Variants in CNTN1 observed in about 807,000 individuals in gnomAD.
CNTN1 encodes the protein contactin-1.
In CNTN1, 38 loss-of-function variants were observed where a neutral mutation model predicts 126.4. The observed-to-expected ratio is 0.30, with a 90% CI of 0.23 to 0.39. The LOEUF (loss-of-function observed/expected upper bound fraction) is 0.39, where lower values mean the gene tolerates loss of function less well. Ranked by LOEUF, CNTN1 falls within the 10% of genes least tolerant of loss-of-function variation. The pLI is 1.00. For missense variants in CNTN1, 1,009 were observed against 1,248.4 expected, an observed-to-expected ratio of 0.81 and a Z score of 2.89; for synonymous variants, 413 against 422.6, an observed-to-expected ratio of 0.98 and a Z score of 0.28.
chr12:40,698,460 T>C lies in CNTN1; in HGVS notation c.-77+5868T>C, dbSNP rs376160408. On this transcript the variant is annotated intron_variant, in intron 1 of 23. Coordinates refer to ENST00000551295, the MANE Select transcript of CNTN1 (RefSeq NM_001843.4). The stretch of plus-strand genomic sequence containing the variant: ...ACCGTGTTAGCGAGGATGGTCTTGA[T>C]CTCCTGACCTTGTGATCCGCCCGCC... Among the ~76,000 whole-genome samples, 35 of 151,994 alleles carry C rather than the reference T, an allele frequency of 2.3e-4. No individual in the cohort carries two copies. The East Asian group carries it at 4.1e-3, about 18-fold the overall frequency.
At position 41,029,160 on chromosome 12, in the gene CNTN1, T is replaced by C; in HGVS notation, c.2921T>C (p.Val974Ala). 1 of 1,614,042 alleles carries C rather than the reference T, an allele frequency of 6.2e-7. No individual in the cohort carries two copies. Among genetic ancestry groups the C allele is most frequent in the Non-Finnish European group, 8.5e-7 (1 of 1,179,996 alleles). Residue 974 changes from valine (V) to alanine (A), a missense_variant, in exon 23 of 24, where the codon GTG becomes GCG. Coordinates refer to ENST00000551295, the MANE Select transcript of CNTN1 (RefSeq NM_001843.4). ...ATCCCCAGAGATGGAGAATACGTTGTGGAGGTTCGCGCGCACAGTGATGGA... is the reference window on the plus strand; with the variant it reads ...ATCCCCAGAGATGGAGAATACGTTGCGGAGGTTCGCGCGCACAGTGATGGA... The part of the protein sequence containing the change: ...VPIPRDGEYV[V>A]EVRAHSDGGD...
intron 1 of CNTN1, among the ~76,000 whole-genome samples, chr12:40,884,691 G>A (rs1222584212): frequency 6.6e-6 from 1 of 151,172 alleles, no homozygotes; most frequent in African/African-American, 2.4e-5. Flanking sequence ...TTATTCATAT[G>A]TCATACATGT....
Position 40,698,258 on chromosome 12 carries a change from C to T in CNTN1, c.-77+5666C>T, listed in dbSNP as rs1465947290. Among the ~76,000 whole-genome samples, 16 of 50,754 alleles carry T rather than the reference C, an allele frequency of 3.2e-4. No homozygotes were observed. In the Admixed American group the frequency reaches 3.8e-3, roughly 12 times the overall value. The allele number at this position is 50,754 out of a possible 152,430, so 33.3% of individuals were successfully genotyped here. A position where few individuals can be genotyped will look rare whatever the true frequency, so the allele number is the denominator to read the frequency against. On this transcript the variant is annotated intron_variant, in intron 1 of 23. Transcript: ENST00000551295. ...TTTTTTTTTTTTTTTTTTTTTTTTA[C>T]GGAGTCTCGCTCTGTCGCCCAGGCT...
intron 1 of CNTN1, among the ~76,000 whole-genome samples, chr12:40,814,708 A>C (rs1941200974): frequency 6.6e-6 from 1 of 152,098 alleles, no homozygotes; most frequent in African/African-American, 2.4e-5. Context: ...TGAACTTTAA[A>C]GTAGTTTTTT....
chr12:40,793,738 G>A (rs1940306883), intron 1 of CNTN1, among the ~76,000 whole-genome samples: 1 of 152,058 alleles, frequency 6.6e-6, no homozygotes, highest in Non-Finnish European at 1.5e-5. Context: ...GCACTTAGAT[G>A]AATGAAACAT....
chr12:41,003,583 T>G (rs1468456542), intron 17 of CNTN1, among the ~76,000 whole-genome samples: 5 of 151,926 alleles, frequency 3.3e-5, no homozygotes, highest in Non-Finnish European at 5.9e-5. Flanking sequence ...CCTGGGCTTT[T>G]TTTTTTTTGG....
At chr12:40,747,124 G>A (rs1480080495) in intron 1 of CNTN1, among the ~76,000 whole-genome samples, 3 of 152,072 alleles carry the variant, frequency 2.0e-5, no homozygotes, top group African/African-American at 7.2e-5. Context: ...ATAGATCAAT[G>A]TGAAAACTCA....
At chr12:40,967,513 A>G (rs1947351779) in intron 15 of CNTN1, among the ~76,000 whole-genome samples, 1 of 152,026 alleles carries the variant, frequency 6.6e-6, no homozygotes, top group African/African-American at 2.4e-5. Context: ...CAAACAAAAA[A>G]TAACCCTTCT....
In CNTN1 at chr12:40,858,283, T is replaced by C. The variant is rs948430406; in HGVS notation, c.-76-50074T>C. 3.3e-5 allele frequency among the ~76,000 whole-genome samples: 5 copies of C among 152,296 alleles called. 1 individual carries two copies. The highest frequency in any genetic ancestry group is 3.3e-4 in the Admixed American group (5 of 15,282). On this transcript the variant is annotated intron_variant, in intron 1 of 23. Coordinates refer to ENST00000551295, the MANE Select transcript of CNTN1 (RefSeq NM_001843.4). The stretch of plus-strand genomic sequence containing the variant: ...TTCTGGAAGGGCCCAAGCCCTCTTT[T>C]AAGGACTTTCACTTGATTAAGACCA...
chr12:40,703,491 G>C (rs1482329876), intron 1 of CNTN1, among the ~76,000 whole-genome samples: 1 of 152,118 alleles, frequency 6.6e-6, no homozygotes, highest in African/African-American at 2.4e-5. Context: ...CTCTTACTTT[G>C]TGTGCCTTCA....
intron 1 of CNTN1, among the ~76,000 whole-genome samples, chr12:40,817,133 A>G (rs1014424593): frequency 6.6e-6 from 1 of 152,102 alleles, no homozygotes; most frequent in Admixed American, 6.5e-5. Flanking sequence ...GTTGATTTGG[A>G]GTAGGGAGAT....
chr12:41,040,278 G>A (rs12321115), intron 23 of CNTN1, among the ~76,000 whole-genome samples: 1,666 of 152,176 alleles, frequency 0.011, 25 homozygotes, highest in African/African-American at 0.034. Flanking sequence ...AAGATTCATG[G>A]CTGGTCTGTG....
At chr12:40,774,135 C>T (rs1002490200) in intron 1 of CNTN1, among the ~76,000 whole-genome samples, 5 of 151,536 alleles carry the variant, frequency 3.3e-5, no homozygotes, top group African/African-American at 1.2e-4. Context: ...TGTAAGATAA[C>T]ATAATAACTT....
intron 1 of CNTN1, among the ~76,000 whole-genome samples, chr12:40,843,182 C>A (rs1455816220): frequency 2.6e-5 from 4 of 152,082 alleles, no homozygotes; most frequent in African/African-American, 9.7e-5. Flanking sequence ...CACTTCCAAT[C>A]CCCCTCCTAC....
chr12:40,787,096 G>A (rs1406752567), intron 1 of CNTN1, among the ~76,000 whole-genome samples: 4 of 152,020 alleles, frequency 2.6e-5, no homozygotes, highest in African/African-American at 9.7e-5. Flanking sequence ...TCTATATCAA[G>A]TTATTTATTT....
At chr12:41,051,221 C>CA (rs1403040296) in intron 23 of CNTN1, among the ~76,000 whole-genome samples, 1 of 142,456 alleles carries the variant, frequency 7.0e-6, no homozygotes, top group East Asian at 2.1e-4. Context: ...GATCTCGGCT[C>CA]ACTGCAAGCT....
intron 1 of CNTN1, among the ~76,000 whole-genome samples, chr12:40,705,262 T>C (rs1200810053): frequency 6.6e-6 from 1 of 152,204 alleles, no homozygotes; most frequent in Non-Finnish European, 1.5e-5. Flanking sequence ...TTTTGTTTCA[T>C]CCAGAGAATA....
intron 1 of CNTN1, among the ~76,000 whole-genome samples, chr12:40,738,681 G>C (rs975862060): frequency 6.6e-6 from 1 of 151,946 alleles, no homozygotes; most frequent in Non-Finnish European, 1.5e-5. Context: ...TTGTGAACAG[G>C]CATATCAGAG....
intron 14 of CNTN1, among the ~76,000 whole-genome samples, chr12:40,953,726 A>T (rs1251296187): frequency 2.0e-5 from 3 of 152,084 alleles, no homozygotes; most frequent in Non-Finnish European, 4.4e-5. Flanking sequence ...TATAAATTTA[A>T]TATAATGTAT....
Sources: allele counts gnomAD v4.1 joint callset (sites outside exome capture counted in the v4.1 genomes callset), GRCh38; gene constraint gnomAD v4.1.1; transcripts MANE v1.5; gene names NCBI Gene and HGNC (gene_info 2026-07-23, HGNC 2026-07-21).